RORA: variants seen among roughly 807,000 people sequenced by gnomAD.
RORA encodes the protein nuclear receptor ROR-alpha.
Under a neutral mutation model 69.5 loss-of-function variants are expected in RORA, and 7 were observed. The ratio of observed to expected loss-of-function variants is 0.10; its 90% CI spans 0.06 to 0.19. RORA has a LOEUF of 0.19. Ranked by LOEUF, RORA falls within the 10% of genes least tolerant of loss-of-function variation. The pLI is 1.00. For synonymous variants in RORA, 261 were observed against 240.8 expected (o/e 1.08, Z -0.78); for missense variants, 457 against 663.0 (o/e 0.69, Z 3.41).
chr15:60,511,084 G>T lies in RORA; in HGVS notation c.820+142C>A. On this transcript the variant is annotated intron_variant, in intron 5 of 10. Coordinates refer to ENST00000335670, the MANE Select transcript of RORA (RefSeq NM_134261.3). This position sits in a 1 kb window ranked among gnomAD's most constrained non-coding sequence, Gnocchi z 6.4. The stretch of plus-strand genomic sequence containing the variant: ...AACAGCAGAGGGTCAAAAGCAAGGG[G>T]GCAGGGCAGAAAATTAAGTGGCCCA... The T allele has an allele frequency of 2.3e-6, 2 of 866,850 alleles. No homozygotes were observed. Among genetic ancestry groups the T allele is most frequent in the Non-Finnish European group, 3.5e-6 (2 of 573,084 alleles). The allele number at this position is 866,850 out of a possible 1,614,324, so 53.7% of individuals were successfully genotyped here. A position where few individuals can be genotyped will look rare whatever the true frequency, so the allele number is the denominator to read the frequency against.
At chr15:60,863,122 A>G (rs1234670660) in intron 1 of RORA, among the ~76,000 whole-genome samples, 1 of 152,224 alleles carries the variant, frequency 6.6e-6, no homozygotes, top group Non-Finnish European at 1.5e-5. Context: ...CAAAAACTCT[A>G]GGAATACTGG....
intron 2 of RORA, among the ~76,000 whole-genome samples, chr15:60,672,648 G>A (rs1455573506): frequency 1.3e-5 from 2 of 152,140 alleles, no homozygotes; most frequent in Non-Finnish European, 2.9e-5. Flanking sequence ...GAGCTAACGA[G>A]GTTTTTCACT....
intron 1 of RORA, among the ~76,000 whole-genome samples, chr15:61,223,166 T>A (rs28683165): frequency 0.046 from 7,059 of 151,838 alleles, 355 homozygotes; most frequent in African/African-American, 0.12. Context: ...CACAAAAAAT[T>A]AGCTGGGCAT....
rs182052949 is a variant in RORA, at chr15:61,045,939, C to A, written c.166+183114G>T. Reference sequence around the variant, plus strand: ...AGAACAACAGGCACAACTATTGTCTCTGTCTCCTGGCAGTCTCCCCCAGAC... The same window carrying A: ...AGAACAACAGGCACAACTATTGTCTATGTCTCCTGGCAGTCTCCCCCAGAC... On this transcript the variant is annotated intron_variant, in intron 1 of 10. Transcript: ENST00000335670. Among the ~76,000 whole-genome samples, 4 of 152,344 alleles carry A rather than the reference C, an allele frequency of 2.6e-5. No individual in the cohort carries two copies. The East Asian group carries it at 7.7e-4, about 29-fold the overall frequency.
chr15:61,091,993 C>A (rs16943602), intron 1 of RORA, among the ~76,000 whole-genome samples: 1,696 of 152,254 alleles, frequency 0.011, 26 homozygotes, highest in East Asian at 0.053. Flanking sequence ...CAGAAGCCAA[C>A]ACCGTAGTCA....
intron 1 of RORA, among the ~76,000 whole-genome samples, chr15:60,838,170 A>G (rs772695335): frequency 1.3e-5 from 2 of 152,004 alleles, no homozygotes; most frequent in Admixed American, 6.6e-5. Flanking sequence ...TTAGACCTCT[A>G]TCCTATTGTT....
intron 3 of RORA, among the ~76,000 whole-genome samples, chr15:60,518,823 C>T (rs548182152): frequency 2.4e-4 from 36 of 151,750 alleles, no homozygotes; most frequent in Non-Finnish European, 4.6e-4. Flanking sequence ...CCCCATGTGT[C>T]CCCTGTATGG....
intron 1 of RORA, among the ~76,000 whole-genome samples, chr15:60,704,486 G>GT (rs1362988540): frequency 6.6e-6 from 1 of 152,246 alleles, no homozygotes; most frequent in East Asian, 1.9e-4. Context: ...CCAGGGCTCT[G>GT]TTGGGCAAGG....
intron 2 of RORA, among the ~76,000 whole-genome samples, chr15:60,619,565 T>C (rs905460587): frequency 1.4e-4 from 21 of 152,224 alleles, no homozygotes; most frequent in Admixed American, 3.9e-4. Context: ...AATTTAGTAG[T>C]AATCCTGTAA....
rs1012350358 is a variant in RORA at position 60,903,384 on chromosome 15, C to G, written c.167-224698G>C. On this transcript the variant is annotated intron_variant, in intron 1 of 10. Coordinates refer to ENST00000335670, the MANE Select transcript of RORA (RefSeq NM_134261.3). The stretch of plus-strand genomic sequence containing the variant: ...AGGATCTGTTGTTTCTACTGTTGGA[C>G]GCGTTTATGGGCCCTATTGGCCGAT... Among the ~76,000 whole-genome samples the G allele has an allele frequency of 9.2e-5, 14 of 152,092 alleles. 1 individual carries two copies. Among genetic ancestry groups the G allele is most frequent in the African/African-American group, 3.4e-4 (14 of 41,410 alleles).
intron 1 of RORA, among the ~76,000 whole-genome samples, chr15:60,998,697 C>T (rs1595869356): frequency 7.1e-6 from 1 of 139,950 alleles, no homozygotes; most frequent in East Asian, 2.1e-4. Flanking sequence ...CCGCACCCAC[C>T]CCACCATGTA....
chr15:60,530,856 T>A (rs903846565), intron 3 of RORA: 1 of 152,238 alleles, frequency 6.6e-6, no homozygotes, highest in Non-Finnish European at 1.5e-5. Context: ...GCCTCCTGCA[T>A]GTTTAAATAG....
intron 1 of RORA, among the ~76,000 whole-genome samples, chr15:60,797,364 C>G (rs341425): frequency 9.5e-4 from 145 of 152,226 alleles, no homozygotes; most frequent in African/African-American, 3.4e-3. Context: ...AGCTCCTGTC[C>G]AGGACAGCCT....
At chr15:60,600,336 T>C (rs2068784125) in intron 2 of RORA, among the ~76,000 whole-genome samples, 1 of 152,176 alleles carries the variant, frequency 6.6e-6, no homozygotes, top group African/African-American at 2.4e-5. Flanking sequence ...TCCTGTTCAG[T>C]CAAGCAAAGT....
intron 1 of RORA, among the ~76,000 whole-genome samples, chr15:61,073,282 T>A (rs906080279): frequency 6.6e-6 from 1 of 152,204 alleles, no homozygotes; most frequent in Non-Finnish European, 1.5e-5. Context: ...ATACCATTTG[T>A]CACAACAAGC....
chr15:61,206,905 G>A (rs528458215), intron 1 of RORA, among the ~76,000 whole-genome samples: 1 of 152,186 alleles, frequency 6.6e-6, no homozygotes, highest in Non-Finnish European at 1.5e-5. Flanking sequence ...GAGGCAGGGT[G>A]TGATGCTCTA....
chr15:61,211,756 T>G (rs533280619), intron 1 of RORA, among the ~76,000 whole-genome samples: 1 of 152,134 alleles, frequency 6.6e-6, no homozygotes, highest in Admixed American at 6.6e-5. Flanking sequence ...GTCAGCCTAT[T>G]TGGATCCGAA....
At chr15:60,837,647 C>T (rs569619466) in intron 1 of RORA, among the ~76,000 whole-genome samples, 33 of 152,266 alleles carry the variant, frequency 2.2e-4, no homozygotes, top group African/African-American at 7.7e-4. Context: ...TGTAGCCTTG[C>T]CCTTGGTTTC....
intron 1 of RORA, among the ~76,000 whole-genome samples, chr15:60,795,588 G>T (rs1361042266): frequency 6.6e-6 from 1 of 152,170 alleles, no homozygotes; most frequent in African/African-American, 2.4e-5. Context: ...ATGAAGGAGG[G>T]ATCTCAAACA....
Sources: gnomAD v4.1 joint callset for allele counts (sites outside exome capture counted in the v4.1 genomes callset) on GRCh38, gnomAD v4.1.1 for gene constraint, Gnocchi (gnomAD v3.1) non-coding constraint, MANE v1.5 for transcripts, NCBI Gene and HGNC (gene_info 2026-07-23, HGNC 2026-07-21) for gene names.